The following HABP4 variants were observed in gnomAD, a reference collection of about 807,000 sequenced individuals.
HABP4 encodes the protein hyaluronan binding protein 4.
HABP4 carries 32 observed loss-of-function variants against 44.1 expected under a neutral mutation model. The observed-to-expected ratio is 0.73, with a 90% CI of 0.55 to 0.97. The LOEUF (loss-of-function observed/expected upper bound fraction) is 0.97. Among genes scored for constraint, HABP4 ranks in the 50% least tolerant of loss-of-function variants. HABP4 has a pLI of 0.00. For missense variants in HABP4, 503 were observed against 561.9 expected, an observed-to-expected ratio of 0.90 and a Z score of 1.06; for synonymous variants, 216 against 218.0, an observed-to-expected ratio of 0.99 and a Z score of 0.08.
intron 1 of HABP4, 66 bp from the exon 2 acceptor site, chr9:96,458,312 TA>T: frequency 7.1e-7 from 1 of 1,411,950 alleles, no homozygotes; most frequent in Non-Finnish European, 1.0e-6. Flanking sequence ...CAAGTACCTG[TA>T]AAGTTTAATA....
chr9:96,452,625 T>C (rs1832305729), intron 1 of HABP4, among the ~76,000 whole-genome samples: 1 of 152,114 alleles, frequency 6.6e-6, no homozygotes, highest in Non-Finnish European at 1.5e-5. Flanking sequence ...ATTCAAGTTC[T>C]TTTTCAAGTA....
In HABP4 at chr9:96,450,679, C is replaced by G; in HGVS notation, c.349+51C>G. 1 of 1,223,528 alleles carries G rather than the reference C, an allele frequency of 8.2e-7. No individual in the cohort carries two copies. Among genetic ancestry groups the G allele is most frequent in the Non-Finnish European group, 1.0e-6 (1 of 979,182 alleles). 75.8% of individuals were successfully genotyped at this position (1,223,528 alleles called of 1,614,324 possible). A position where few individuals can be genotyped will look rare whatever the true frequency, so the allele number is the denominator to read the frequency against. ...GACCACGGCTCGGCCCGCTGTGAGA[C>G]TGGGGTCCCGGGGGCCGGTTTCAGG... is the stretch of plus-strand genomic sequence containing the variant. On this transcript the variant is annotated intron_variant, in intron 1 of 7. Coordinates refer to ENST00000375249, the MANE Select transcript of HABP4 (RefSeq NM_014282.4). This position sits in a 1 kb window ranked among gnomAD's most constrained non-coding sequence, Gnocchi z 4.8.
chr9:96,484,261 T>C (rs1832931657), intron 5 of HABP4: 2 of 489,736 alleles, frequency 4.1e-6, no homozygotes, highest in South Asian at 6.1e-5. Context: ...AGATAGGAAG[T>C]ATCTTCTGTT....
chr9:96,450,386 C>G lies in HABP4; in HGVS notation c.107C>G (p.Ser36Trp), dbSNP rs756698969. 4 of 1,365,458 alleles carry G rather than the reference C, an allele frequency of 2.9e-6. No individual in the cohort carries two copies. Among genetic ancestry groups the G allele is most frequent in the Non-Finnish European group, 3.9e-6 (4 of 1,037,712 alleles). 84.6% of individuals were successfully genotyped at this position (1,365,458 alleles called of 1,614,324 possible). A position where few individuals can be genotyped will look rare whatever the true frequency, so the allele number is the denominator to read the frequency against. ...TTCCATCAGCTGCTGGACGACGAGT[C>G]GGACCCGTTCGACATCCTGCGCGAG... ...NRFHQLLDDE[S>W]DPFDILREAE... The change falls in exon 1 of 8, where the codon TCG becomes TGG. Residue 36 changes from serine to tryptophan, a missense_variant. Around this residue, in one of 3 missense-constraint regions of HABP4, gnomAD observed 290 missense variants for 300.5 expected, o/e 0.97. Coordinates refer to ENST00000375249, the MANE Select transcript of HABP4 (RefSeq NM_014282.4). This position sits in a 1 kb window ranked among gnomAD's most constrained non-coding sequence, Gnocchi z 4.8.
intron 2 of HABP4, among the ~76,000 whole-genome samples, chr9:96,462,667 C>T (rs749661615): frequency 5.3e-5 from 8 of 151,698 alleles, no homozygotes; most frequent in East Asian, 1.9e-4. Flanking sequence ...GGCTTATACC[C>T]GTAGTCCTAG....
chr9:96,463,848 G>C (rs1259093269), intron 2 of HABP4, among the ~76,000 whole-genome samples: 2 of 152,162 alleles, frequency 1.3e-5, no homozygotes, highest in African/African-American at 4.8e-5. Context: ...TACCTCTACT[G>C]CTGGTGTTTG....
At chr9:96,468,501 C>T (rs764037837) in intron 4 of HABP4, among the ~76,000 whole-genome samples, 5 of 152,086 alleles carry the variant, frequency 3.3e-5, no homozygotes, top group African/African-American at 4.8e-5. Flanking sequence ...CCTCATGATC[C>T]GCTCACCTCA....
At chr9:96,458,062 A>G (rs1159285442) in intron 1 of HABP4, among the ~76,000 whole-genome samples, 3 of 152,182 alleles carry the variant, frequency 2.0e-5, no homozygotes, top group Non-Finnish European at 4.4e-5. Context: ...GCTTTTGTGA[A>G]CTGTAGCTTA....
chr9:96,462,881 C>G (rs2131126905), intron 2 of HABP4, among the ~76,000 whole-genome samples: 1 of 152,142 alleles, frequency 6.6e-6, no homozygotes, highest in East Asian at 1.9e-4. Flanking sequence ...GTGATTGGGC[C>G]ATTGCACTCC....
chr9:96,476,086 A>G (rs1832782172), intron 5 of HABP4, among the ~76,000 whole-genome samples: 1 of 152,120 alleles, frequency 6.6e-6, no homozygotes. Context: ...ACTGTTTTCC[A>G]TCTAGGTATT....
At chr9:96,465,237 T>A in intron 2 of HABP4, 100 bp from the exon 3 acceptor site, 2 of 747,884 alleles carry the variant, frequency 2.7e-6, no homozygotes, top group South Asian at 3.4e-5. Context: ...GCCACCATTC[T>A]TTCCAGTATA....
intron 2 of HABP4, among the ~76,000 whole-genome samples, chr9:96,462,655 G>A (rs1832524220): frequency 1.3e-5 from 2 of 151,790 alleles, no homozygotes; most frequent in African/African-American, 4.8e-5. Flanking sequence ...GCTGGGCACA[G>A]TGGCTTATAC....
At chr9:96,473,632 T>G (rs1248063668) in intron 5 of HABP4, among the ~76,000 whole-genome samples, 2 of 152,170 alleles carry the variant, frequency 1.3e-5, no homozygotes, top group African/African-American at 4.8e-5. Flanking sequence ...CAGAGTCCTG[T>G]GTGGTCTGGC....
chr9:96,472,639 T>A (rs1019532015), intron 5 of HABP4, among the ~76,000 whole-genome samples: 1 of 152,188 alleles, frequency 6.6e-6, no homozygotes, highest in African/African-American at 2.4e-5. Flanking sequence ...AGCTCCTTCC[T>A]TTTTTGGTAT....
At position 96,465,704 on chromosome 9, in the gene HABP4, C is replaced by T; in HGVS notation, c.675-6C>T. ...TGGTTTAAGGGACTATTCTTTCTTT[C>T]CGTAGAGCAGTCAGAACTGAAGACA... is the stretch of plus-strand genomic sequence containing the variant. On this transcript the variant is annotated splice_polypyrimidine_tract_variant and splice_region_variant and intron_variant, in intron 3 of 7. Transcript: ENST00000375249. The T allele has an allele frequency of 6.3e-7, 1 of 1,583,184 alleles. No individual in the cohort carries two copies. Among genetic ancestry groups the T allele is most frequent in the East Asian group, 2.2e-5 (1 of 44,734 alleles).
Position 96,465,232 on chromosome 9 carries a change from C to T in HABP4, c.513-105C>T, listed in dbSNP as rs1429147710. The T allele has an allele frequency of 8.3e-6, 6 of 725,906 alleles. No individual in the cohort carries two copies. The East Asian group carries it at 1.5e-4, about 18-fold the overall frequency. The allele number at this position is 725,906 out of a possible 1,614,324, so 45.0% of individuals were successfully genotyped here. On this transcript the variant is annotated intron_variant, in intron 2 of 7. Transcript: ENST00000375249. Reference sequence around the variant, plus strand: ...ACTATTAATTTGTGATTCAAGCCACCATTCTTTCCAGTATACTATAACCAT... The same window carrying T: ...ACTATTAATTTGTGATTCAAGCCACTATTCTTTCCAGTATACTATAACCAT...
At chr9:96,476,861 A>C (rs1283757950) in intron 5 of HABP4, among the ~76,000 whole-genome samples, 1 of 152,254 alleles carries the variant, frequency 6.6e-6, no homozygotes, top group Non-Finnish European at 1.5e-5. Context: ...GCTGATAAGC[A>C]GGGCATTCGT....
At chr9:96,478,128 C>T (rs558143497) in intron 5 of HABP4, among the ~76,000 whole-genome samples, 19 of 152,012 alleles carry the variant, frequency 1.2e-4, no homozygotes, top group Non-Finnish European at 2.2e-4. Flanking sequence ...TATAAAGCTG[C>T]TATGAACATT....
intron 5 of HABP4, among the ~76,000 whole-genome samples, chr9:96,479,664 C>CTA: frequency 6.6e-6 from 1 of 152,018 alleles, no homozygotes; most frequent in African/African-American, 2.4e-5. Context: ...GTGCCTGCCA[C>CTA]CATGCCCAGC....
Sources: gnomAD v4.1 joint callset for allele counts (sites outside exome capture counted in the v4.1 genomes callset) on GRCh38, gnomAD v4.1.1 for gene constraint, gnomAD v4.1.1 regional missense constraint, Gnocchi (gnomAD v3.1) non-coding constraint, MANE v1.5 for transcripts, NCBI Gene and HGNC (gene_info 2026-07-23, HGNC 2026-07-21) for gene names.